NRXN1: variants seen among roughly 807,000 people sequenced by gnomAD.
The protein encoded by NRXN1 is neurexin 1.
A neutral mutation model predicts 150.9 loss-of-function variants in NRXN1; 39 were observed. The observed-to-expected ratio is 0.26, with a 90% CI of 0.20 to 0.34. The LOEUF (loss-of-function observed/expected upper bound fraction) is 0.34. NRXN1 is among the 10% of genes least tolerant of loss of function. The probability of loss-of-function intolerance (pLI) is 1.00; values close to 1 mark genes in which losing one functional copy is unlikely to be tolerated. For synonymous variants in NRXN1, 924 were observed against 757.0 expected (o/e 1.22, Z -3.62); for missense variants, 1,815 against 1,949.9 (o/e 0.93, Z 1.30).
intron 5 of NRXN1, among the ~76,000 whole-genome samples, chr2:50,773,304 TTC>T (rs1423781000): frequency 1.3e-5 from 2 of 152,208 alleles, no homozygotes; most frequent in Non-Finnish European, 2.9e-5. Context: ...AGATCAGACA[TTC>T]TGTTTTGTTT....
chr2:50,768,033 T>A (rs1702570049), intron 5 of NRXN1, among the ~76,000 whole-genome samples: 1 of 152,114 alleles, frequency 6.6e-6, no homozygotes, highest in Non-Finnish European at 1.5e-5. Context: ...AAAGACAAAC[T>A]GCAAAAACAC....
chr2:50,084,286 C>A (rs1698449465), intron 19 of NRXN1, among the ~76,000 whole-genome samples: 1 of 152,202 alleles, frequency 6.6e-6, no homozygotes, highest in Admixed American at 6.5e-5. Flanking sequence ...GCACAGGAGC[C>A]CGTGGCGGGG....
intron 17 of NRXN1, among the ~76,000 whole-genome samples, chr2:50,310,511 A>G (rs1034374379): frequency 3.3e-5 from 5 of 152,202 alleles, no homozygotes; most frequent in African/African-American, 1.2e-4. Context: ...AAACTGCTCA[A>G]ATAGAGTCCT....
chr2:50,994,243 C>A (rs777809954), intron 2 of NRXN1, among the ~76,000 whole-genome samples: 8 of 151,946 alleles, frequency 5.3e-5, no homozygotes, highest in Non-Finnish European at 1.0e-4. Context: ...CATTAATAAA[C>A]AATCTCACAC....
chr2:50,703,388 C>T (rs1350711265), intron 5 of NRXN1, among the ~76,000 whole-genome samples: 1 of 152,052 alleles, frequency 6.6e-6, no homozygotes, highest in East Asian at 1.9e-4. Flanking sequence ...TTCTAGATAT[C>T]CAGATGGCAC....
chr2:50,395,657 T>G (rs1384742296), intron 17 of NRXN1, among the ~76,000 whole-genome samples: 1 of 152,154 alleles, frequency 6.6e-6, no homozygotes, highest in African/African-American at 2.4e-5. Flanking sequence ...ATAGAACAAC[T>G]TAACTTATGC....
chr2:50,651,472 A>ACATG (rs1685608447), intron 5 of NRXN1, among the ~76,000 whole-genome samples: 4 of 149,500 alleles, frequency 2.7e-5, no homozygotes, highest in African/African-American at 7.4e-5. Context: ...AACATAACGT[A>ACATG]ACATGACATG....
intron 5 of NRXN1, among the ~76,000 whole-genome samples, chr2:50,761,392 T>G (rs1255037397): frequency 1.3e-5 from 2 of 151,816 alleles, no homozygotes; most frequent in Non-Finnish European, 2.9e-5. Context: ...ATAAGTCTCA[T>G]GAGATGTGAT....
At chr2:50,568,477 C>T (rs1249482454) in intron 8 of NRXN1, among the ~76,000 whole-genome samples, 1 of 151,974 alleles carries the variant, frequency 6.6e-6, no homozygotes, top group Non-Finnish European at 1.5e-5. Context: ...TTAAAATGGG[C>T]AAAAGATCTG....
chr2:50,839,235 A>G (rs2105921239), intron 5 of NRXN1, among the ~76,000 whole-genome samples: 1 of 152,280 alleles, frequency 6.6e-6, no homozygotes, highest in African/African-American at 2.4e-5. Context: ...AATCTAAAAG[A>G]TAAAATTGAA....
chr2:50,705,136 A>G (rs903185473), intron 5 of NRXN1, among the ~76,000 whole-genome samples: 5 of 151,984 alleles, frequency 3.3e-5, no homozygotes, highest in African/African-American at 1.2e-4. Context: ...AACTGAATTA[A>G]TAATTATCTA....
intron 5 of NRXN1, chr2:50,624,674 A>G (rs539890137): frequency 6.6e-6 from 1 of 152,176 alleles, no homozygotes; most frequent in Admixed American, 6.6e-5. Context: ...CAGCTGGATT[A>G]CTGATCTATT....
chr2:50,458,200 G>A (rs149846213), intron 17 of NRXN1, among the ~76,000 whole-genome samples: 21 of 152,230 alleles, frequency 1.4e-4, no homozygotes, highest in African/African-American at 4.8e-4. Flanking sequence ...AATATCGCAT[G>A]TTCTCACTCA....
At chr2:50,370,109 T>C (rs1016796647) in intron 17 of NRXN1, among the ~76,000 whole-genome samples, 2 of 152,072 alleles carry the variant, frequency 1.3e-5, no homozygotes, top group Admixed American at 6.6e-5. Flanking sequence ...CTCTGCAATT[T>C]TGTTGGCATG....
At chr2:50,515,117 G>C (rs2092590042) in intron 12 of NRXN1, among the ~76,000 whole-genome samples, 1 of 152,126 alleles carries the variant, frequency 6.6e-6, no homozygotes, top group South Asian at 2.1e-4. Flanking sequence ...ATCACCATCT[G>C]AGCTCCACCT....
intron 5 of NRXN1, among the ~76,000 whole-genome samples, chr2:50,834,193 A>T (rs967916115): frequency 1.3e-5 from 2 of 152,180 alleles, no homozygotes; most frequent in Non-Finnish European, 2.9e-5. Flanking sequence ...AAGAAAAAAA[A>T]TCCAAATATA....
chr2:50,008,841 CA>C (rs1404956471), intron 21 of NRXN1, among the ~76,000 whole-genome samples: 1 of 152,042 alleles, frequency 6.6e-6, no homozygotes, highest in Non-Finnish European at 1.5e-5. Flanking sequence ...TGGAAAGCAA[CA>C]AGCTTACTCT....
intron 5 of NRXN1, among the ~76,000 whole-genome samples, chr2:50,760,143 T>C (rs976122074): frequency 5.9e-5 from 9 of 151,890 alleles, no homozygotes; most frequent in South Asian, 2.1e-4. Flanking sequence ...TTGTTATGAT[T>C]CATTATTCTT....
chr2:50,969,560 G>A (rs1257538622), intron 2 of NRXN1, among the ~76,000 whole-genome samples: 1 of 152,104 alleles, frequency 6.6e-6, no homozygotes, highest in South Asian at 2.1e-4. Flanking sequence ...AAATCAGGAA[G>A]TAGGAACTAT....
Sources: allele counts gnomAD v4.1 joint callset (sites outside exome capture counted in the v4.1 genomes callset), GRCh38; gene constraint gnomAD v4.1.1; transcripts MANE v1.5; gene names NCBI Gene and HGNC (gene_info 2026-07-23, HGNC 2026-07-21).